Variants in PRR16 observed in about 807,000 individuals in gnomAD.
PRR16 encodes the protein protein Largen.
A neutral mutation model predicts 18.2 loss-of-function variants in PRR16; 6 were observed. The observed-to-expected ratio is 0.33, with a 90% CI of 0.18 to 0.65. The LOEUF (loss-of-function observed/expected upper bound fraction) is 0.65. PRR16 is among the 30% of genes least tolerant of loss of function. PRR16 has a pLI of 0.74. For missense variants in PRR16, 412 were observed against 376.6 expected, an observed-to-expected ratio of 1.09 and a Z score of -0.78; for synonymous variants, 151 against 147.8, an observed-to-expected ratio of 1.02 and a Z score of -0.16.
chr5:120,752,758 G>C, the PRR16 span, among the ~76,000 whole-genome samples: 1 of 151,754 alleles, frequency 6.6e-6, no homozygotes, highest in African/African-American at 2.4e-5. Context: ...AATCAATTTA[G>C]CTCAAGTAGG....
chr5:120,573,345 A>G (rs1325926085), intron 1 of PRR16, among the ~76,000 whole-genome samples: 3 of 152,184 alleles, frequency 2.0e-5, no homozygotes, highest in African/African-American at 7.2e-5. Flanking sequence ...CAAGAGGAAT[A>G]AATTCCAGTG....
intron 1 of PRR16, among the ~76,000 whole-genome samples, chr5:120,476,142 A>G (rs1470926551): frequency 6.6e-6 from 1 of 152,162 alleles, no homozygotes; most frequent in Non-Finnish European, 1.5e-5. Context: ...AAACACTGCC[A>G]GATTAATCTA....
intron 1 of PRR16, among the ~76,000 whole-genome samples, chr5:120,637,334 A>AAAC (rs1755266549): frequency 2.0e-5 from 3 of 150,484 alleles, no homozygotes; most frequent in South Asian, 4.2e-4. Context: ...AAAAAAAAAA[A>AAAC]AAAAAAAAAC....
intron 1 of PRR16, among the ~76,000 whole-genome samples, chr5:120,673,854 T>C (rs1321667411): frequency 2.0e-5 from 3 of 151,268 alleles, no homozygotes; most frequent in African/African-American, 4.9e-5. Context: ...ACTCAGGAGG[T>C]TGAGGCAGGA....
At chr5:120,616,489 C>T (rs2112813503) in intron 1 of PRR16, among the ~76,000 whole-genome samples, 1 of 152,256 alleles carries the variant, frequency 6.6e-6, no homozygotes, top group Non-Finnish European at 1.5e-5. Context: ...GAGTATGTTT[C>T]CCTGAGGTTG....
At position 120,538,661 on chromosome 5, in the gene PRR16, T is replaced by C. The variant is rs9986275; in HGVS notation, c.159+74016T>C. ...AGTACAGGTCTATAGGGTGCTTTTA[T>C]AAACTGAAAGCATCTTCAGCATTTG... On this transcript the variant is annotated intron_variant, in intron 1 of 1. Coordinates refer to ENST00000407149, the MANE Select transcript of PRR16 (RefSeq NM_001300783.2). Among the ~76,000 whole-genome samples, 1,037 of 152,322 alleles carry C rather than the reference T, an allele frequency of 6.8e-3. 14 individuals carry two copies. Among genetic ancestry groups the C allele is most frequent in the African/African-American group, 0.023 (968 of 41,580 alleles).
At chr5:120,727,120 C>A in the PRR16 span, among the ~76,000 whole-genome samples, 4 of 151,988 alleles carry the variant, frequency 2.6e-5, no homozygotes, top group Admixed American at 2.6e-4. Context: ...TTTTCTCCTT[C>A]CTTGATTTCT....
At chr5:120,618,443 T>C in intron 1 of PRR16, 1 of 962,218 alleles carries the variant, frequency 1.0e-6, no homozygotes, top group Admixed American at 6.2e-5. Context: ...TTTTAACAGT[T>C]TGTTAGGTGC....
chr5:120,489,381 G>A (rs984671204), intron 1 of PRR16, among the ~76,000 whole-genome samples: 1 of 152,142 alleles, frequency 6.6e-6, no homozygotes, highest in African/African-American at 2.4e-5. Context: ...TCTTCTTGTT[G>A]AATTGATCCC....
At chr5:120,780,499 C>T in the PRR16 span, among the ~76,000 whole-genome samples, 634 of 152,038 alleles carry the variant, frequency 4.2e-3, 8 homozygotes, top group African/African-American at 0.015. Flanking sequence ...ATCTAAGAGA[C>T]GGAAAAACAT....
chr5:120,503,365 C>T (rs1750529757), intron 1 of PRR16, among the ~76,000 whole-genome samples: 1 of 152,006 alleles, frequency 6.6e-6, no homozygotes, highest in Non-Finnish European at 1.5e-5. Context: ...CCCTAATTTT[C>T]CATGTTTTCA....
At chr5:120,582,052 A>G (rs75701635) in intron 1 of PRR16, among the ~76,000 whole-genome samples, 8,496 of 152,264 alleles carry the variant, frequency 0.056, 307 homozygotes, top group South Asian at 0.083. Context: ...CATGTAACCA[A>G]CCTAAGTATA....
chr5:120,782,644 A>T, the PRR16 span, among the ~76,000 whole-genome samples: 3 of 152,244 alleles, frequency 2.0e-5, no homozygotes, highest in Non-Finnish European at 2.9e-5. Context: ...CTCTGTAAGC[A>T]TCCCTGTGTC....
intron 1 of PRR16, among the ~76,000 whole-genome samples, chr5:120,554,254 A>G (rs186916319): frequency 1.6e-4 from 24 of 152,012 alleles, no homozygotes; most frequent in Admixed American, 2.6e-4. Flanking sequence ...CCATAAATAT[A>G]TAGTATTTAT....
chr5:120,611,914 A>G (rs1358673851), intron 1 of PRR16, among the ~76,000 whole-genome samples: 1 of 152,136 alleles, frequency 6.6e-6, no homozygotes, highest in South Asian at 2.1e-4. Context: ...CAGACACTCC[A>G]TACCAGCTGG....
intron 1 of PRR16, among the ~76,000 whole-genome samples, chr5:120,651,879 G>A (rs145701772): frequency 8.5e-5 from 13 of 152,136 alleles, no homozygotes; most frequent in African/African-American, 2.9e-4. Flanking sequence ...GTCATTGGTA[G>A]CTTGATGGGG....
chr5:120,562,374 TAGG>T (rs1280408644), intron 1 of PRR16, among the ~76,000 whole-genome samples: 1 of 152,200 alleles, frequency 6.6e-6, no homozygotes, highest in Non-Finnish European at 1.5e-5. Context: ...TGTATTTTTA[TAGG>T]AGAAGTGTAT....
At chr5:120,690,695 G>A (rs188489344), downstream of PRR16, among the ~76,000 whole-genome samples, 230 of 152,174 alleles carry the variant, frequency 1.5e-3, 1 homozygote, top group Non-Finnish European at 2.4e-3. Context: ...TGGAGTCTTC[G>A]AATTCTTCAA....
the PRR16 span, among the ~76,000 whole-genome samples, chr5:120,728,233 T>G: frequency 2.0e-5 from 3 of 151,760 alleles, no homozygotes; most frequent in East Asian, 5.8e-4. Flanking sequence ...GAGTTTCTGA[T>G]CTCAAAAAAA....
Sources: allele counts gnomAD v4.1 joint callset (sites outside exome capture counted in the v4.1 genomes callset), GRCh38; gene constraint gnomAD v4.1.1; transcripts MANE v1.5; gene names NCBI Gene and HGNC (gene_info 2026-07-23, HGNC 2026-07-21).